Variants in SNX7 observed in about 807,000 individuals in gnomAD.
SNX7 encodes the protein sorting nexin-7.
Under a neutral mutation model 48.4 loss-of-function variants are expected in SNX7, and 35 were observed. The ratio of observed to expected loss-of-function variants is 0.72; its 90% CI spans 0.55 to 0.96. The LOEUF (loss-of-function observed/expected upper bound fraction) is 0.96. Among genes scored for constraint, SNX7 ranks in the 40% least tolerant of loss-of-function variants. The pLI is 0.00. For missense variants in SNX7, 553 were observed against 548.9 expected, an observed-to-expected ratio of 1.01 and a Z score of -0.07; for synonymous variants, 190 against 190.2, an observed-to-expected ratio of 1.00 and a Z score of 0.01.
intron 8 of SNX7, among the ~76,000 whole-genome samples, chr1:98,746,089 G>C (rs1034331106): frequency 6.6e-6 from 1 of 151,876 alleles, no homozygotes; most frequent in Non-Finnish European, 1.5e-5. Context: ...GAACATCTTT[G>C]GAGGCAAGCC....
At chr1:98,689,009 A>G (rs1228593743) in intron 2 of SNX7, among the ~76,000 whole-genome samples, 3 of 152,054 alleles carry the variant, frequency 2.0e-5, no homozygotes, top group Non-Finnish European at 4.4e-5. Flanking sequence ...GGTTCAAGTG[A>G]TTCTCCTGCC....
Position 98,710,456 on chromosome 1 carries a change from C to T in SNX7, c.1125+8553C>T, listed in dbSNP as rs187294439. 6.6e-5 allele frequency among the ~76,000 whole-genome samples: 10 copies of T among 151,932 alleles called. No individual in the cohort carries two copies. The South Asian group carries it at 1.7e-3, about 25-fold the overall frequency. On this transcript the variant is annotated intron_variant, in intron 7 of 8. Coordinates refer to ENST00000306121, the MANE Select transcript of SNX7 (RefSeq NM_015976.5). ...TAGGAAGATTTTTTTTTTCTGTTGC[C>T]TTAACTGCAACCGAAAAAGTAACAG...
chr1:98,743,547 C>T (rs1654176373), intron 8 of SNX7, among the ~76,000 whole-genome samples: 1 of 151,986 alleles, frequency 6.6e-6, no homozygotes, highest in Non-Finnish European at 1.5e-5. Flanking sequence ...TCTGTCTAGC[C>T]AGATGAACAG....
At chr1:98,682,301 C>CA in intron 1 of SNX7, among the ~76,000 whole-genome samples, 1 of 152,092 alleles carries the variant, frequency 6.6e-6, no homozygotes, top group Non-Finnish European at 1.5e-5. Flanking sequence ...ATGGGCTGTT[C>CA]TCTAGGTTTG....
chr1:98,732,859 A>G (rs755527144), intron 7 of SNX7, among the ~76,000 whole-genome samples: 1 of 152,188 alleles, frequency 6.6e-6, no homozygotes, highest in African/African-American at 2.4e-5. Flanking sequence ...AAAAACCTTG[A>G]TAATGGAGAG....
intron 8 of SNX7, among the ~76,000 whole-genome samples, chr1:98,755,192 A>C (rs1654780863): frequency 6.6e-6 from 1 of 152,146 alleles, no homozygotes; most frequent in African/African-American, 2.4e-5. Context: ...ATCTTTTAAA[A>C]TTTATCAAGA....
chr1:98,727,833 G>C (rs547254697), intron 7 of SNX7, among the ~76,000 whole-genome samples: 1 of 151,960 alleles, frequency 6.6e-6, no homozygotes, highest in East Asian at 1.9e-4. Context: ...GACAATATTA[G>C]AGCAAAAAGA....
chr1:98,663,618 T>G (rs1304932685), intron 1 of SNX7, among the ~76,000 whole-genome samples: 1 of 152,104 alleles, frequency 6.6e-6, no homozygotes, highest in African/African-American at 2.4e-5. Context: ...CCAGAAGCAT[T>G]TCTAAATAAG....
chr1:98,747,997 G>A lies in SNX7; in HGVS notation c.1278+9608G>A, dbSNP rs1654387842. Among the ~76,000 whole-genome samples the A allele has an allele frequency of 5.9e-5, 7 of 119,058 alleles. No homozygotes were observed. The South Asian group carries it at 1.9e-3, about 32-fold the overall frequency. The allele number at this position is 119,058 out of a possible 152,430, so 78.1% of individuals were successfully genotyped here. ...TTTTTACTTTTTTTTTTTTTTTTGA[G>A]ATGGAGTCTTGCTCTGTCGCCCAGG... On this transcript the variant is annotated intron_variant, in intron 8 of 8. Coordinates refer to ENST00000306121, the MANE Select transcript of SNX7 (RefSeq NM_015976.5).
chr1:98,747,360 A>C (rs191703197), intron 8 of SNX7, among the ~76,000 whole-genome samples: 68 of 152,290 alleles, frequency 4.5e-4, no homozygotes, highest in Non-Finnish European at 7.2e-4. Context: ...AGTTGAAAGT[A>C]ATCAGTTGGA....
chr1:98,726,677 T>C (rs1418363301), intron 7 of SNX7, among the ~76,000 whole-genome samples: 1 of 152,190 alleles, frequency 6.6e-6, no homozygotes, highest in Non-Finnish European at 1.5e-5. Flanking sequence ...TGGATCTAGA[T>C]TGTCTGGATT....
rs1242573138 is a variant in SNX7 at position 98,691,199 on chromosome 1, A to T, written c.474+14A>T. On this transcript the variant is annotated intron_variant, in intron 3 of 8. Transcript: ENST00000306121. ...CTGATTATTCCAGTAAGTTTGCAAAATTTTTTTTTTCATAGAATAGCTACC... is the reference window on the plus strand; with the variant it reads ...CTGATTATTCCAGTAAGTTTGCAAATTTTTTTTTTTCATAGAATAGCTACC... The T allele has an allele frequency of 3.0e-5, 45 of 1,501,338 alleles. No individual in the cohort carries two copies. The highest frequency in any genetic ancestry group is 9.7e-5 in the East Asian group (4 of 41,394). 93.0% of individuals were successfully genotyped at this position (1,501,338 alleles called of 1,614,324 possible).
At chr1:98,719,352 C>T (rs1314853770) in intron 7 of SNX7, among the ~76,000 whole-genome samples, 1 of 152,110 alleles carries the variant, frequency 6.6e-6, no homozygotes, top group East Asian at 1.9e-4. Flanking sequence ...GTACCCTCCA[C>T]CCGCAGTCTT....
At chr1:98,719,903 A>T (rs1652775776) in intron 7 of SNX7, among the ~76,000 whole-genome samples, 1 of 149,018 alleles carries the variant, frequency 6.7e-6, no homozygotes, top group Admixed American at 6.7e-5. Context: ...TATATCAACT[A>T]TAATATATAT....
intron 1 of SNX7, among the ~76,000 whole-genome samples, chr1:98,671,393 G>A (rs1350753419): frequency 6.6e-6 from 1 of 152,066 alleles, no homozygotes; most frequent in African/African-American, 2.4e-5. Context: ...AAAATTATTA[G>A]CAAATACTGA....
At chr1:98,706,209 A>G (rs1044425763) in intron 7 of SNX7, among the ~76,000 whole-genome samples, 2 of 152,170 alleles carry the variant, frequency 1.3e-5, no homozygotes, top group African/African-American at 4.8e-5. Context: ...AATAATTAAA[A>G]TTTATAATAT....
At chr1:98,702,043 T>G (rs1651778006) in intron 7 of SNX7, 140 bp downstream of exon 7, 2 of 576,928 alleles carry the variant, frequency 3.5e-6, no homozygotes, top group Non-Finnish European at 5.9e-6. Flanking sequence ...ATAGTAAAAT[T>G]TCTTCCTAAA....
At position 98,684,921 on chromosome 1, in the gene SNX7, A is replaced by G. The variant is rs1650705761; in HGVS notation, c.217A>G (p.Met73Val). 3.2e-6 allele frequency: 5 copies of G among 1,585,612 alleles called. No homozygotes were observed. The highest frequency in any genetic ancestry group is 2.2e-5 in the East Asian group (1 of 44,446). The change falls in exon 2 of 9, where the codon ATG (methionine) becomes GTG (valine). Residue 73 changes from methionine (M) to valine (V), a missense_variant. Coordinates refer to ENST00000306121, the MANE Select transcript of SNX7 (RefSeq NM_015976.5). ...SLMDMNSFSP[M>V]MPTSPLSMIN... ...GATGGACATGAACTCCTTCAGCCCT[A>G]TGATGCCAACATCCCCTTTATCAAT...
At position 98,716,685 on chromosome 1, in the gene SNX7, C is replaced by T. The variant is rs556011776; in HGVS notation, c.1125+14782C>T. Among the ~76,000 whole-genome samples, 43 of 152,190 alleles carry T rather than the reference C, an allele frequency of 2.8e-4. 1 individual carries two copies. The highest frequency in any genetic ancestry group is 1.0e-3 in the African/African-American group (43 of 41,534). The stretch of plus-strand genomic sequence containing the variant: ...TAGAAGAGCCAGAGTTGTAACCTAA[C>T]TCTGTACTCCCTGATGTATCATAAA... On this transcript the variant is annotated intron_variant, in intron 7 of 8. Coordinates refer to ENST00000306121, the MANE Select transcript of SNX7 (RefSeq NM_015976.5).
Sources: allele counts gnomAD v4.1 joint callset (sites outside exome capture counted in the v4.1 genomes callset), GRCh38; gene constraint gnomAD v4.1.1; transcripts MANE v1.5; gene names NCBI Gene and HGNC (gene_info 2026-07-23, HGNC 2026-07-21).